TVP23C: variants seen among roughly 807,000 people sequenced by gnomAD.
TVP23C encodes trans-golgi network vesicle protein 23 homolog C, also known as Golgi apparatus membrane protein TVP23 homolog C.
TVP23C carries 19 observed loss-of-function variants against 28.7 expected under a neutral mutation model. The observed-to-expected ratio is 0.66, with a 90% CI of 0.46 to 0.97. The LOEUF (loss-of-function observed/expected upper bound fraction) is 0.97, where lower values mean the gene tolerates loss of function less well. Ranked by LOEUF, TVP23C falls within the 50% of genes least tolerant of loss-of-function variation. The probability of loss-of-function intolerance (pLI) is 0.00; values close to 1 mark genes in which losing one functional copy is unlikely to be tolerated. For synonymous variants in TVP23C, 68 were observed against 81.7 expected, an observed-to-expected ratio of 0.83 and a Z score of 0.90; for missense variants, 186 against 241.3, an observed-to-expected ratio of 0.77 and a Z score of 1.52.
intron 5 of TVP23C, among the ~76,000 whole-genome samples, chr17:15,515,108 C>G (rs1982168169): frequency 6.6e-6 from 1 of 152,102 alleles, no homozygotes; most frequent in Non-Finnish European, 1.5e-5. Flanking sequence ...CCCATACCCA[C>G]AGTGGGCATG....
chr17:15,517,294 TC>T (rs969875855), intron 5 of TVP23C, among the ~76,000 whole-genome samples: 1 of 152,220 alleles, frequency 6.6e-6, no homozygotes, highest in Non-Finnish European at 1.5e-5. Context: ...ATGTGTATCC[TC>T]CCAGCATCTA....
At chr17:15,542,227 T>C (rs145947458) in intron 5 of TVP23C, among the ~76,000 whole-genome samples, 272 of 137,836 alleles carry the variant, frequency 2.0e-3, no homozygotes, top group Admixed American at 2.3e-3. Context: ...AATGCAGAAA[T>C]AGCCATGACA....
chr17:15,515,356 A>T (rs1342502237), intron 5 of TVP23C, among the ~76,000 whole-genome samples: 1 of 152,106 alleles, frequency 6.6e-6, no homozygotes, highest in Non-Finnish European at 1.5e-5. Context: ...AGGAATCCTC[A>T]TGTAAGCGTC....
chr17:15,524,575 G>A (rs1177872508), intron 5 of TVP23C, among the ~76,000 whole-genome samples: 2 of 152,158 alleles, frequency 1.3e-5, no homozygotes, highest in Non-Finnish European at 2.9e-5. Context: ...TGATGAGGAA[G>A]GAGATATGAA....
chr17:15,534,136 A>AT (rs1264418864), downstream of TVP23C, among the ~76,000 whole-genome samples: 4 of 151,984 alleles, frequency 2.6e-5, no homozygotes, highest in African/African-American at 9.7e-5. Context: ...TTCCTTTCTC[A>AT]TTATAAACAG....
chr17:15,504,203 G>GGCTT (rs1193426008), intron 5 of TVP23C, among the ~76,000 whole-genome samples: 1 of 152,148 alleles, frequency 6.6e-6, no homozygotes, highest in Admixed American at 6.5e-5. Flanking sequence ...GGAAGCTCTG[G>GGCTT]TACTGGGCTT....
chr17:15,556,949 T>C (rs1299238737), intron 1 of TVP23C, among the ~76,000 whole-genome samples: 1 of 151,164 alleles, frequency 6.6e-6, no homozygotes, highest in Non-Finnish European at 1.5e-5. Flanking sequence ...CCTACTTGCT[T>C]CTGACACTGT....
chr17:15,502,938 C>G, exon 6 of TVP23C: 2 of 1,613,982 alleles, frequency 1.2e-6, no homozygotes, highest in Non-Finnish European at 1.7e-6. Flanking sequence ...CTCTCCCCAC[C>G]TCCCCTCCAG....
At chr17:15,504,594 G>A (rs541582699) in intron 5 of TVP23C, among the ~76,000 whole-genome samples, 9 of 152,126 alleles carry the variant, frequency 5.9e-5, no homozygotes, top group South Asian at 2.1e-4. Context: ...ACAGGGTCTC[G>A]TGCTTTGGCC....
chr17:15,546,920 G>A, intron 4 of TVP23C, 139 bp downstream of exon 4: 1 of 934,906 alleles, frequency 1.1e-6, no homozygotes, highest in South Asian at 1.8e-5. Flanking sequence ...AATTCTAGAA[G>A]GCCATCTCCT....
At chr17:15,508,472 G>A (rs904429372) in intron 5 of TVP23C, among the ~76,000 whole-genome samples, 1 of 152,168 alleles carries the variant, frequency 6.6e-6, no homozygotes, top group African/African-American at 2.4e-5. Flanking sequence ...AGGTCCTGCA[G>A]ATGCTCACAC....
At chr17:15,557,030 C>A (rs1453225411) in intron 1 of TVP23C, among the ~76,000 whole-genome samples, 2 of 149,598 alleles carry the variant, frequency 1.3e-5, no homozygotes, top group African/African-American at 4.8e-5. Context: ...TACGGTCTCT[C>A]TCCCATCTCC....
intron 5 of TVP23C, among the ~76,000 whole-genome samples, chr17:15,509,119 T>C (rs1981894952): frequency 6.6e-6 from 1 of 152,234 alleles, no homozygotes; most frequent in South Asian, 2.1e-4. Flanking sequence ...GCGGCCAAAG[T>C]CCTGGCCCAC....
chr17:15,531,443 T>C (rs1158232798), intron 5 of TVP23C, among the ~76,000 whole-genome samples: 1 of 152,246 alleles, frequency 6.6e-6, no homozygotes, highest in Non-Finnish European at 1.5e-5. Context: ...GTTGGTAACT[T>C]GATAAAATGC....
intron 1 of TVP23C, among the ~76,000 whole-genome samples, chr17:15,561,219 G>A (rs1984368828): frequency 2.0e-5 from 3 of 152,204 alleles, no homozygotes; most frequent in South Asian, 4.1e-4. Flanking sequence ...TGCCTAAGGC[G>A]AGAGGGTGAA....
rs529867845 is a variant in TVP23C, at chr17:15,505,756, G to A, written c.463-2524C>T. Among the ~76,000 whole-genome samples, 6 of 152,174 alleles carry A rather than the reference G, an allele frequency of 3.9e-5. No individual in the cohort carries two copies. The East Asian group carries it at 7.8e-4, about 20-fold the overall frequency. ...GCGCTTGCGGGCCAGCTGGAGTTCCGGGTGGGCGTGGGCTTGGCGGGCCCC... is the reference window on the plus strand; with the variant it reads ...GCGCTTGCGGGCCAGCTGGAGTTCCAGGTGGGCGTGGGCTTGGCGGGCCCC... On this transcript the variant is annotated intron_variant, in intron 5 of 5. Coordinates refer to the TVP23C transcript ENST00000225576.
chr17:15,511,159 C>T (rs1174544676), intron 5 of TVP23C, among the ~76,000 whole-genome samples: 1 of 151,478 alleles, frequency 6.6e-6, no homozygotes, highest in African/African-American at 2.4e-5. Flanking sequence ...GAAACAGGAT[C>T]ATAAATGTTA....
At chr17:15,549,113 T>C (rs866829146) in intron 3 of TVP23C, among the ~76,000 whole-genome samples, 2 of 152,204 alleles carry the variant, frequency 1.3e-5, no homozygotes, top group Non-Finnish European at 2.9e-5. Flanking sequence ...ATGTATTTTA[T>C]ATATGTGAAA....
At chr17:15,507,376 A>C in intron 5 of TVP23C, 1 of 678,694 alleles carries the variant, frequency 1.5e-6, no homozygotes, top group South Asian at 1.5e-5. Context: ...GCTTTATCTT[A>C]ACCACTGGAC....
Sources: allele counts gnomAD v4.1 joint callset (sites outside exome capture counted in the v4.1 genomes callset), GRCh38; gene constraint gnomAD v4.1.1; transcripts MANE v1.5; gene names NCBI Gene and HGNC (gene_info 2026-07-23, HGNC 2026-07-21).